Variants in ESF1 observed in about 807,000 individuals in gnomAD.
The protein encoded by ESF1 is ESF1 homolog.
In ESF1, 58 loss-of-function variants were observed where a neutral mutation model predicts 92.0. The observed-to-expected ratio is 0.63, with a 90% CI of 0.51 to 0.78. The LOEUF is 0.78. ESF1 is among the 30% of genes least tolerant of loss of function. The probability of loss-of-function intolerance (pLI) is 0.00; values close to 1 mark genes in which losing one functional copy is unlikely to be tolerated. For synonymous variants in ESF1, 321 were observed against 313.7 expected (o/e 1.02, Z -0.24); for missense variants, 922 against 989.1 (o/e 0.93, Z 0.91).
At chr20:13,724,341 G>A (rs1600265864) in intron 11 of ESF1, among the ~76,000 whole-genome samples, 1 of 152,042 alleles carries the variant, frequency 6.6e-6, no homozygotes, top group East Asian at 1.9e-4. Context: ...ATTACAAACT[G>A]GTAAATTTTG....
chr20:13,744,168 T>C (rs549433050), intron 9 of ESF1, among the ~76,000 whole-genome samples: 15 of 152,342 alleles, frequency 9.8e-5, no homozygotes, highest in Non-Finnish European at 2.1e-4. Context: ...ACTCCAATTA[T>C]GTACACCAGA....
At chr20:13,774,822 T>G (rs1242075238) in intron 4 of ESF1, among the ~76,000 whole-genome samples, 2 of 152,210 alleles carry the variant, frequency 1.3e-5, no homozygotes, top group African/African-American at 2.4e-5. Context: ...TGGTTTTGTT[T>G]CTAGTATAAT....
intron 10 of ESF1, among the ~76,000 whole-genome samples, chr20:13,730,490 T>C (rs1472732515): frequency 6.6e-6 from 1 of 151,494 alleles, no homozygotes; most frequent in Non-Finnish European, 1.5e-5. Context: ...TTCATGCCAT[T>C]CTCCTGTCTC....
chr20:13,779,023 G>A (rs955236063), intron 2 of ESF1, among the ~76,000 whole-genome samples: 2 of 152,048 alleles, frequency 1.3e-5, no homozygotes, highest in African/African-American at 4.8e-5. Flanking sequence ...TCCAGCCTGG[G>A]CAGCAGAGCG....
chr20:13,724,095 G>T (rs377238439), intron 11 of ESF1, among the ~76,000 whole-genome samples: 9 of 152,168 alleles, frequency 5.9e-5, no homozygotes, highest in Non-Finnish European at 1.0e-4. Flanking sequence ...AGGAGTTCAA[G>T]ACCAGCCTGG....
At chr20:13,774,312 G>A (rs549320860) in intron 4 of ESF1, among the ~76,000 whole-genome samples, 2 of 152,226 alleles carry the variant, frequency 1.3e-5, no homozygotes, top group African/African-American at 4.8e-5. Context: ...GTCAACGTGA[G>A]GTTCAAAGGA....
At chr20:13,719,146 A>G (rs975743319) in intron 11 of ESF1, among the ~76,000 whole-genome samples, 162 bp from the exon 12 acceptor site, 1 of 152,170 alleles carries the variant, frequency 6.6e-6, no homozygotes, top group Non-Finnish European at 1.5e-5. Context: ...GACTGTGGGT[A>G]TATGAATGGA....
At chr20:13,716,878 C>T (rs1187273736) in intron 13 of ESF1, among the ~76,000 whole-genome samples, 5 of 131,792 alleles carry the variant, frequency 3.8e-5, no homozygotes, top group Non-Finnish European at 6.2e-5. Context: ...AGTGCAGTGG[C>T]GAGATCTCGG....
chr20:13,728,522 G>A, intron 10 of ESF1, 57 bp from the exon 11 acceptor site: 1 of 1,274,892 alleles, frequency 7.8e-7, no homozygotes, highest in Non-Finnish European at 1.1e-6. Flanking sequence ...TATAATAAAT[G>A]TATACCAAGA....
intron 9 of ESF1, among the ~76,000 whole-genome samples, chr20:13,745,316 A>T (rs2050041078): frequency 6.6e-6 from 1 of 152,268 alleles, no homozygotes; most frequent in South Asian, 2.1e-4. Flanking sequence ...TCATAACAGA[A>T]ATAAAGTATA....
chr20:13,759,906 T>C lies in ESF1; in HGVS notation c.1667-53A>G, dbSNP rs1979082256. On this transcript the variant is annotated intron_variant, in intron 8 of 13. Coordinates refer to ENST00000617257, the MANE Select transcript of ESF1 (RefSeq NM_001276380.2). The stretch of plus-strand genomic sequence containing the variant: ...ACAGAAACAATTCATTTCTAACTCG[T>C]GTTCAGATCTTATGGTCACTCTCTT... 7 of 1,526,190 alleles carry C rather than the reference T, an allele frequency of 4.6e-6. No individual in the cohort carries two copies. In the South Asian group the frequency reaches 8.9e-5, roughly 19 times the overall value. The allele number at this position is 1,526,190 out of a possible 1,614,324, so 94.5% of individuals were successfully genotyped here. A position where few individuals can be genotyped will look rare whatever the true frequency, so the allele number is the denominator to read the frequency against.
intron 9 of ESF1, among the ~76,000 whole-genome samples, chr20:13,745,795 G>A (rs1240952832): frequency 6.6e-6 from 1 of 152,016 alleles, no homozygotes; most frequent in African/African-American, 2.4e-5. Context: ...AGAATACACA[G>A]AGGATGCTTT....
chr20:13,760,029 T>A (rs148995489), intron 8 of ESF1, among the ~76,000 whole-genome samples, 176 bp from the exon 9 acceptor site: 1 of 152,390 alleles, frequency 6.6e-6, no homozygotes, highest in East Asian at 1.9e-4. Context: ...AAAAATCAGT[T>A]GCAATATAAA....
intron 11 of ESF1, among the ~76,000 whole-genome samples, chr20:13,720,806 A>G (rs1174852193): frequency 3.9e-5 from 6 of 152,208 alleles, no homozygotes; most frequent in Non-Finnish European, 7.4e-5. Flanking sequence ...ATTTTTCTCA[A>G]TGTATAAATT....
chr20:13,718,758 CT>C (rs1179046919), intron 12 of ESF1, 149 bp downstream of exon 12: 1 of 411,798 alleles, frequency 2.4e-6, no homozygotes, highest in Non-Finnish European at 4.0e-6. Flanking sequence ...AGAAACTACA[CT>C]GCTAAAATAT....
intron 9 of ESF1, among the ~76,000 whole-genome samples, chr20:13,749,044 T>G (rs1568718731): frequency 6.6e-6 from 1 of 151,958 alleles, no homozygotes; most frequent in African/African-American, 2.4e-5. Context: ...TCTGATTAAG[T>G]CCTACAGAGA....
intron 9 of ESF1, among the ~76,000 whole-genome samples, chr20:13,759,412 G>A (rs185574592): frequency 6.6e-6 from 1 of 152,236 alleles, no homozygotes; most frequent in Non-Finnish European, 1.5e-5. Context: ...AGAACACGTG[G>A]TGCCTGGATT....
intron 9 of ESF1, among the ~76,000 whole-genome samples, chr20:13,738,393 A>C (rs2049990007): frequency 6.6e-6 from 1 of 151,084 alleles, no homozygotes; most frequent in African/African-American, 2.4e-5. Context: ...AGCTCACTGC[A>C]GCCTAGATGT....
At chr20:13,734,195 T>C (rs1365044272) in intron 9 of ESF1, among the ~76,000 whole-genome samples, 1 of 152,220 alleles carries the variant, frequency 6.6e-6, no homozygotes, top group African/African-American at 2.4e-5. Context: ...AGAAAACTTC[T>C]GAACTAATTC....
Sources: gnomAD v4.1 joint callset for allele counts (sites outside exome capture counted in the v4.1 genomes callset) on GRCh38, gnomAD v4.1.1 for gene constraint, MANE v1.5 for transcripts, NCBI Gene and HGNC (gene_info 2026-07-23, HGNC 2026-07-21) for gene names.